Variants in CD36 observed in about 807,000 individuals in gnomAD.
CD36 encodes platelet glycoprotein 4.
A neutral mutation model predicts 55.2 loss-of-function variants in CD36; 119 were observed. The ratio of observed to expected loss-of-function variants is 2.15; its 90% CI spans 1.86 to 2.51. CD36 has a LOEUF of 2.51. CD36 is among the 30% of genes most tolerant of loss of function. The pLI, the probability that CD36 is intolerant of heterozygous loss-of-function variation, is 0.00. For synonymous variants in CD36, 186 were observed against 193.6 expected (o/e 0.96, Z 0.33); for missense variants, 819 against 555.5 (o/e 1.47, Z -4.77).
rs568783042 is a variant in CD36 at position 80,631,130 on chromosome 7, C to T, written c.-183-14958C>T. On this transcript the variant is annotated intron_variant, in intron 1 of 13. Coordinates refer to the CD36 transcript ENST00000309881. The stretch of plus-strand genomic sequence containing the variant: ...GGCTAGTGGTGTCTTTTGAGAGTGA[C>T]ATTCTGTAGCAATTAAGATTCCATA... 1.4e-4 allele frequency among the ~76,000 whole-genome samples: 21 copies of T among 152,074 alleles called. No homozygotes were observed. The South Asian group carries it at 3.7e-3, about 27-fold the overall frequency.
intron 8 of CD36, among the ~76,000 whole-genome samples, chr7:80,669,252 G>A (rs1428115586): frequency 5.9e-5 from 9 of 152,090 alleles, no homozygotes. Context: ...ATGTAGATTT[G>A]TTGTTGACAA....
Position 80,678,392 on chromosome 7 carries a change from G to C in CD36, c.*2009G>C, listed in dbSNP as rs891555171. ...CGTCTGCAAATGGATTAACAGATTAGAGAATCAACAGCATCGGAAAATAGG... is the reference window on the plus strand; with the variant it reads ...CGTCTGCAAATGGATTAACAGATTACAGAATCAACAGCATCGGAAAATAGG... On this transcript the variant is annotated 3_prime_UTR_variant, in exon 15 of 15. Transcript: ENST00000447544. The C allele has an allele frequency of 6.6e-6, 1 of 152,226 alleles. No individual in the cohort carries two copies. Among genetic ancestry groups the C allele is most frequent in the African/African-American group, 2.4e-5 (1 of 41,542 alleles). The allele number at this position is 152,226 out of a possible 1,614,324, so 9.4% of individuals were successfully genotyped here. A position where few individuals can be genotyped will look rare whatever the true frequency, so the allele number is the denominator to read the frequency against.
chr7:80,635,403 T>G (rs1290618336), upstream of CD36, among the ~76,000 whole-genome samples: 1 of 151,988 alleles, frequency 6.6e-6, no homozygotes, highest in Non-Finnish European at 1.5e-5. Context: ...GCCTCCTGAG[T>G]AGTTGGGATT....
chr7:80,663,203 A>G (rs760371584), intron 6 of CD36, 34 bp downstream of exon 6: 1 of 1,535,324 alleles, frequency 6.5e-7, no homozygotes, highest in Non-Finnish European at 9.0e-7. Flanking sequence ...ATATTATTAC[A>G]TTTTAATTTA....
At chr7:80,609,102 A>T (rs1419575876) in intron 1 of CD36, among the ~76,000 whole-genome samples, 2 of 152,132 alleles carry the variant, frequency 1.3e-5, no homozygotes, top group African/African-American at 2.4e-5. Flanking sequence ...TGCTTTCAAG[A>T]TAAACCCACG....
chr7:80,642,012 G>A (rs1260568714), intron 1 of CD36, among the ~76,000 whole-genome samples: 7 of 151,820 alleles, frequency 4.6e-5, no homozygotes, highest in East Asian at 1.9e-4. Context: ...GTCCACTCAT[G>A]AATTCTACAA....
In CD36 at chr7:80,679,257, CT is replaced by C. The variant is rs911587604; in HGVS notation, c.*2878del. 6.6e-6 allele frequency: 1 copy of C among 151,878 alleles called. No homozygotes were observed. Among genetic ancestry groups the C allele is most frequent in the African/African-American group, 2.4e-5 (1 of 41,390 alleles). 9.4% of individuals were successfully genotyped at this position (151,878 alleles called of 1,614,324 possible). A position where few individuals can be genotyped will look rare whatever the true frequency, so the allele number is the denominator to read the frequency against. On this transcript the variant is annotated 3_prime_UTR_variant, in exon 15 of 15. Transcript: ENST00000447544. ...TTTAAAATATTTGTGAAAATAAAAA[CT>C]TTTGTTATTAGAAAAATGATTTTGC... is the stretch of plus-strand genomic sequence containing the variant.
chr7:80,613,085 G>A (rs190726780), intron 1 of CD36, among the ~76,000 whole-genome samples: 6 of 152,022 alleles, frequency 3.9e-5, no homozygotes, highest in African/African-American at 1.4e-4. Flanking sequence ...AGAGAGGAGG[G>A]GAGATAAGGC....
chr7:80,650,938 A>AAAC (rs1795559564), intron 3 of CD36, among the ~76,000 whole-genome samples: 2 of 151,784 alleles, frequency 1.3e-5, no homozygotes, highest in Admixed American at 6.6e-5. Context: ...AAAAAAAAAA[A>AAAC]AAAAACTAAA....
chr7:80,642,289 C>T (rs1562788030), intron 1 of CD36, among the ~76,000 whole-genome samples: 2 of 152,068 alleles, frequency 1.3e-5, no homozygotes, highest in Non-Finnish European at 2.9e-5. Flanking sequence ...AAAATTTAAT[C>T]TACAATTAGC....
intron 8 of CD36, among the ~76,000 whole-genome samples, chr7:80,669,570 A>G (rs1315507646): frequency 2.0e-5 from 3 of 151,354 alleles, no homozygotes; most frequent in Non-Finnish European, 2.9e-5. Context: ...ACGAGCGCCT[A>G]TCTCAGGATA....
chr7:80,672,070 G>A (rs555780280), intron 11 of CD36, 30 bp downstream of exon 11: 1 of 1,538,374 alleles, frequency 6.5e-7, no homozygotes, highest in Non-Finnish European at 9.0e-7. Flanking sequence ...ATCTGATTTG[G>A]TTGATATTTT....
At chr7:80,672,139 CAT>C (rs1797745351) in intron 11 of CD36, 99 bp downstream of exon 11, 1 of 979,172 alleles carries the variant, frequency 1.0e-6, no homozygotes, top group Non-Finnish European at 1.6e-6. Context: ...AATAAATAAT[CAT>C]ATTTATTGAA....
chr7:80,626,554 TCTATC>T (rs958143815), intron 1 of CD36, among the ~76,000 whole-genome samples: 2 of 152,076 alleles, frequency 1.3e-5, no homozygotes, highest in Non-Finnish European at 2.9e-5. Context: ...CTTTAATACT[TCTATC>T]CAATTAATAG....
chr7:80,637,649 G>A (rs1794519005), upstream of CD36, among the ~76,000 whole-genome samples: 1 of 147,982 alleles, frequency 6.8e-6, no homozygotes. Flanking sequence ...AGGACAGCAC[G>A]AGCATTCTAA....
At chr7:80,670,641 G>A in intron 9 of CD36, 1 of 316,910 alleles carries the variant, frequency 3.2e-6, no homozygotes, top group South Asian at 3.4e-5. Flanking sequence ...TTCTTTCCAG[G>A]ATTAATTAAG....
chr7:80,658,090 C>T lies in CD36; in HGVS notation c.281+1390C>T, dbSNP rs73134029. On this transcript the variant is annotated intron_variant, in intron 4 of 14. Transcript: ENST00000447544. ...CATGTCCTGTCTTAGCAGTTTTACC[C>T]GAATCGGGTGTCTCTGTGCGCATCT... Among the ~76,000 whole-genome samples the T allele has an allele frequency of 6.2e-3, 949 of 152,282 alleles. 5 individuals are homozygous for T. The highest frequency in any genetic ancestry group is 0.01 in the Non-Finnish European group (710 of 68,014).
rs148872736 is a variant in CD36 at position 80,673,844 on chromosome 7, G to A, written c.1255-139G>A. 2.1e-5 allele frequency: 15 copies of A among 705,978 alleles called. No individual in the cohort carries two copies. In the East Asian group the frequency reaches 3.8e-4, roughly 18 times the overall value. The allele number at this position is 705,978 out of a possible 1,614,324, so 43.7% of individuals were successfully genotyped here. On this transcript the variant is annotated intron_variant, in intron 13 of 14. Transcript: ENST00000447544. ...TAATTGCCTTTCTTGACTTGCAAAA[G>A]GAATTCCATTAACTTGCCTTATAGA...
At chr7:80,622,703 T>C (rs182006859) in intron 1 of CD36, among the ~76,000 whole-genome samples, 13 of 152,348 alleles carry the variant, frequency 8.5e-5, no homozygotes, top group African/African-American at 2.6e-4. Flanking sequence ...TTCCTTAAAC[T>C]ATGAGTCACA....
Sources: allele counts gnomAD v4.1 joint callset (sites outside exome capture counted in the v4.1 genomes callset), GRCh38; gene constraint gnomAD v4.1.1; transcripts MANE v1.5; gene names NCBI Gene and HGNC (gene_info 2026-07-23, HGNC 2026-07-21).